The following SLC60A2 variants were observed in gnomAD, a reference collection of about 807,000 sequenced individuals.
SLC60A2 encodes the protein major facilitator superfamily domain containing 4B.
the SLC60A2 span, among the ~76,000 whole-genome samples, chr6:111,273,496 G>GTTTTTTTTTTTTT: frequency 9.1e-6 from 1 of 109,866 alleles, no homozygotes; most frequent in Non-Finnish European, 2.2e-5. Flanking sequence ...TGAGATTTGT[G>GTTTTTTTTTTTTT]TTTTTTTTTT....
the SLC60A2 span, among the ~76,000 whole-genome samples, chr6:111,262,091 T>TA: frequency 1.3e-5 from 2 of 151,054 alleles, no homozygotes; most frequent in Admixed American, 1.3e-4. Flanking sequence ...AAAAAAAAAA[T>TA]AAGAGTTTTA....
the SLC60A2 span, chr6:111,263,989 C>T: frequency 2.0e-6 from 2 of 1,019,144 alleles, no homozygotes. Context: ...TAGGGACTTG[C>T]TAGAAGAAGT....
At chr6:111,265,415 T>C in the SLC60A2 span, 2 of 984,904 alleles carry the variant, frequency 2.0e-6, no homozygotes, top group Non-Finnish European at 1.2e-6. Context: ...TGGACGTGTG[T>C]TTTGCATCTG....
At chr6:111,272,323 A>T in the SLC60A2 span, among the ~76,000 whole-genome samples, 1 of 152,124 alleles carries the variant, frequency 6.6e-6, no homozygotes, top group Admixed American at 6.6e-5. Flanking sequence ...ATTTTGATAC[A>T]TGCATACAAT....
chr6:111,266,482 C>T, the SLC60A2 span: 80 of 1,614,076 alleles, frequency 5.0e-5, no homozygotes, highest in Non-Finnish European at 6.8e-5. Context: ...GGCAGCCTGA[C>T]TTCATCTTTA....
At chr6:111,266,726 T>C in the SLC60A2 span, 1 of 1,614,232 alleles carries the variant, frequency 6.2e-7, no homozygotes, top group African/African-American at 1.3e-5. Context: ...TAGTTCTGTA[T>C]ACCTCTTTGG....
the SLC60A2 span, among the ~76,000 whole-genome samples, chr6:111,273,569 T>C: frequency 6.6e-6 from 1 of 151,898 alleles, no homozygotes; most frequent in Non-Finnish European, 1.5e-5. Flanking sequence ...GTTTATTCTG[T>C]AGCTGTTGGG....
At chr6:111,263,020 C>G in the SLC60A2 span, among the ~76,000 whole-genome samples, 1 of 152,108 alleles carries the variant, frequency 6.6e-6, no homozygotes, top group Non-Finnish European at 1.5e-5. Flanking sequence ...TCACTGCAAC[C>G]TCCCCCTCCT....
At chr6:111,267,019 A>G in the SLC60A2 span, 1 of 1,614,166 alleles carries the variant, frequency 6.2e-7, no homozygotes, top group South Asian at 1.1e-5. Flanking sequence ...TATAATCAAT[A>G]CCCATCAAAT....
the SLC60A2 span, chr6:111,262,222 T>A: frequency 1.9e-6 from 3 of 1,570,414 alleles, no homozygotes; most frequent in Non-Finnish European, 2.6e-6. Flanking sequence ...ATTTTAATGA[T>A]TATAAGTAAA....
the SLC60A2 span, among the ~76,000 whole-genome samples, chr6:111,271,775 TAAAAAAA>T: frequency 0.091 from 1,697 of 18,748 alleles, 80 homozygotes; most frequent in African/African-American, 0.29. Flanking sequence ...CCATCTCTAC[TAAAAAAA>T]AAAAAAAAAA....
the SLC60A2 span, chr6:111,262,496 A>G: frequency 4.2e-6 from 6 of 1,419,518 alleles, no homozygotes; most frequent in South Asian, 7.3e-5. Flanking sequence ...GAAAATATGA[A>G]AATACTAGCA....
the SLC60A2 span, among the ~76,000 whole-genome samples, chr6:111,273,449 A>G: frequency 2.0e-5 from 3 of 152,030 alleles, no homozygotes; most frequent in African/African-American, 7.3e-5. Flanking sequence ...CCAGCCAGAA[A>G]AGATTCTTGA....
chr6:111,274,138 G>A, the SLC60A2 span, among the ~76,000 whole-genome samples: 1 of 152,192 alleles, frequency 6.6e-6, no homozygotes, highest in Non-Finnish European at 1.5e-5. Flanking sequence ...TTACAGGTGT[G>A]AGAGCCCCTT....
chr6:111,275,659 C>T, the SLC60A2 span, among the ~76,000 whole-genome samples: 31 of 152,128 alleles, frequency 2.0e-4, no homozygotes, highest in Non-Finnish European at 3.7e-4. Flanking sequence ...CCACCCACCT[C>T]GGCCTCCCAA....
chr6:111,262,664 C>T, the SLC60A2 span, among the ~76,000 whole-genome samples: 4 of 152,144 alleles, frequency 2.6e-5, 1 homozygote, highest in Non-Finnish European at 5.9e-5. Flanking sequence ...CAATCCTTAG[C>T]CTTTCCAACC....
the SLC60A2 span, chr6:111,262,376 T>C: frequency 1.9e-6 from 3 of 1,613,984 alleles, no homozygotes; most frequent in African/African-American, 1.3e-5. Flanking sequence ...TGAGTGGCTC[T>C]GTGATTGGTG....
chr6:111,260,671 CAT>C, the SLC60A2 span, among the ~76,000 whole-genome samples: 1 of 152,102 alleles, frequency 6.6e-6, no homozygotes, highest in East Asian at 1.9e-4. Context: ...TCCCAAGAGT[CAT>C]GTGTGGTCAC....
chr6:111,274,518 A>T, the SLC60A2 span, among the ~76,000 whole-genome samples: 1 of 152,180 alleles, frequency 6.6e-6, no homozygotes, highest in Non-Finnish European at 1.5e-5. Context: ...TTTACATTCA[A>T]GGCTGTTATT....
Sources: gnomAD v4.1 joint callset for allele counts (sites outside exome capture counted in the v4.1 genomes callset) on GRCh38, gnomAD v4.1.1 for gene constraint, MANE v1.5 for transcripts, NCBI Gene and HGNC (gene_info 2026-07-23, HGNC 2026-07-21) for gene names.